Variants in CRPPA observed in about 807,000 individuals in gnomAD.
CRPPA encodes the protein D-ribitol-5-phosphate cytidylyltransferase.
A neutral mutation model predicts 52.0 loss-of-function variants in CRPPA; 43 were observed. The ratio of observed to expected loss-of-function variants is 0.83; its 90% CI spans 0.65 to 1.07. The LOEUF (loss-of-function observed/expected upper bound fraction) is 1.07. CRPPA is among the 50% of genes least tolerant of loss of function. CRPPA has a pLI of 0.00. For missense variants in CRPPA, 629 were observed against 551.7 expected, an observed-to-expected ratio of 1.14 and a Z score of -1.40; for synonymous variants, 250 against 203.5, an observed-to-expected ratio of 1.23 and a Z score of -1.94.
chr7:16,258,834 C>T (rs1783716682), intron 7 of CRPPA, 86 bp downstream of exon 7: 9 of 757,846 alleles, frequency 1.2e-5, no homozygotes, highest in Non-Finnish European at 1.9e-5. Flanking sequence ...ATCATAATAT[C>T]ATATATAAAT....
intron 9 of CRPPA, chr7:16,209,271 G>GTC (rs1782057468): frequency 7.3e-6 from 1 of 137,736 alleles, no homozygotes; most frequent in African/African-American, 3.0e-5. Flanking sequence ...GGTTCTAAGT[G>GTC]TCTTTTTTTT....
chr7:16,119,387 A>AT lies in CRPPA; in HGVS notation c.1252-27589dup, dbSNP rs1479364581. ...TTAAATCTAAAAATCTGAAAAAAAA[A>AT]TTAAAAAAAATGCAAAACACCAAAA... On this transcript the variant is annotated intron_variant, in intron 9 of 9. Transcript: ENST00000407010. Among the ~76,000 whole-genome samples the AT allele has an allele frequency of 7.4e-5, 11 of 149,310 alleles. No individual in the cohort carries two copies. In the East Asian group the frequency reaches 1.2e-3, roughly 16 times the overall value.
At chr7:16,400,430 G>C (rs1276877034) in intron 2 of CRPPA, among the ~76,000 whole-genome samples, 20 of 152,160 alleles carry the variant, frequency 1.3e-4, no homozygotes, top group Admixed American at 1.3e-3. Flanking sequence ...ACTGACATAT[G>C]ATCGACTTGT....
Position 16,258,441 on chromosome 7 carries a change from G to C in CRPPA, c.1068C>G (p.Ser356Arg). 6.2e-7 allele frequency: 1 copy of C among 1,607,172 alleles called. No individual in the cohort carries two copies. The highest frequency in any genetic ancestry group is 8.5e-7 in the Non-Finnish European group (1 of 1,176,534). ...TGCAAAGACTACTCTCTTCAAGCATGCTCAGTAACTTCTGGGTTTCTTGAA... is the reference window on the plus strand; with the variant it reads ...TGCAAAGACTACTCTCTTCAAGCATCCTCAGTAACTTCTGGGTTTCTTGAA... ...SDFQETQKLL[S>R]MLEESSLCIL... Residue 356 changes from serine to arginine, a missense_variant, in exon 8 of 10, where the codon AGC (serine) becomes AGG (arginine). Physicochemically the swap from Ser to Arg is moderately radical, Grantham distance 110. Transcript: ENST00000407010.
chr7:16,149,788 C>A (rs1783040169), intron 9 of CRPPA, among the ~76,000 whole-genome samples: 1 of 152,090 alleles, frequency 6.6e-6, no homozygotes, highest in South Asian at 2.1e-4. Flanking sequence ...GAGTTTGCGA[C>A]CAGCCTGGGC....
At chr7:16,330,609 C>A (rs537758058) in intron 3 of CRPPA, among the ~76,000 whole-genome samples, 3 of 152,124 alleles carry the variant, frequency 2.0e-5, no homozygotes, top group South Asian at 4.1e-4. Context: ...TTAAAAACTC[C>A]GGGAAAACCC....
intron 9 of CRPPA, among the ~76,000 whole-genome samples, chr7:16,139,851 T>C (rs941067282): frequency 6.6e-6 from 1 of 152,190 alleles, no homozygotes; most frequent in African/African-American, 2.4e-5. Flanking sequence ...ATTTTTGGTA[T>C]TTAAAGATTA....
chr7:16,209,937 C>T (rs1456999525), intron 9 of CRPPA, among the ~76,000 whole-genome samples: 1 of 152,306 alleles, frequency 6.6e-6, no homozygotes, highest in East Asian at 1.9e-4. Flanking sequence ...ATTACATCCA[C>T]ATTTTTTTCA....
Position 16,406,218 on chromosome 7 carries a change from C to A in CRPPA, c.377G>T (p.Arg126Leu). 6.2e-7 allele frequency: 1 copy of A among 1,613,942 alleles called. No homozygotes were observed. Among genetic ancestry groups the A allele is most frequent in the Non-Finnish European group, 8.5e-7 (1 of 1,179,880 alleles). Residue 126 changes from arginine to leucine, a missense_variant, in exon 2 of 10, where the codon CGC becomes CTC. Coordinates refer to ENST00000407010, the MANE Select transcript of CRPPA (RefSeq NM_001101426.4). The stretch of plus-strand genomic sequence containing the variant: ...TAGTCCATTGAAAATTGACCTGTGG[C>A]GGGTCACTCCAGCTTCGACCAGTGA... ...RISLVEAGVTRHRSIFNGLKA... is the reference protein window; with the variant it reads ...RISLVEAGVTLHRSIFNGLKA...
intron 9 of CRPPA, among the ~76,000 whole-genome samples, chr7:16,126,982 G>C (rs1245399864): frequency 1.3e-5 from 2 of 152,144 alleles, no homozygotes; most frequent in African/African-American, 4.8e-5. Flanking sequence ...TGAAAATAAT[G>C]TGAACAGTGA....
intron 6 of CRPPA, among the ~76,000 whole-genome samples, chr7:16,264,204 TA>T (rs1008256844): frequency 1.3e-5 from 2 of 151,304 alleles, no homozygotes; most frequent in African/African-American, 2.4e-5. Context: ...TGTTTATATA[TA>T]AAAAAAAGTC....
intron 1 of CRPPA, among the ~76,000 whole-genome samples, chr7:16,408,806 G>C (rs1788014983): frequency 6.6e-6 from 1 of 152,184 alleles, no homozygotes. Flanking sequence ...TCCTTATAAA[G>C]GAAAGGAGGT....
At chr7:16,201,458 G>A (rs773880339) in intron 9 of CRPPA, among the ~76,000 whole-genome samples, 10 of 152,108 alleles carry the variant, frequency 6.6e-5, no homozygotes, top group Non-Finnish European at 1.3e-4. Flanking sequence ...TAAACGAAAT[G>A]GCACACATTC....
chr7:16,286,036 A>ATATAT (rs1784424706), intron 5 of CRPPA, among the ~76,000 whole-genome samples: 4 of 18,808 alleles, frequency 2.1e-4, no homozygotes, highest in South Asian at 7.4e-4. Flanking sequence ...AAAAAAAAAA[A>ATATAT]AAATATAAAT....
chr7:16,375,974 C>G (rs1786869401), intron 3 of CRPPA, 118 bp downstream of exon 3: 3 of 965,472 alleles, frequency 3.1e-6, no homozygotes. Flanking sequence ...TGTAATAAGT[C>G]TTAGCCTTGA....
At chr7:16,339,706 A>C (rs1020472894) in intron 3 of CRPPA, among the ~76,000 whole-genome samples, 57 of 152,358 alleles carry the variant, frequency 3.7e-4, no homozygotes, top group African/African-American at 1.3e-3. Context: ...GAAATAAGAT[A>C]AGAAAAAGAA....
At chr7:16,124,087 C>T (rs1432278283) in intron 9 of CRPPA, among the ~76,000 whole-genome samples, 1 of 147,970 alleles carries the variant, frequency 6.8e-6, no homozygotes, top group Non-Finnish European at 1.5e-5. Flanking sequence ...ATTGCTGGAT[C>T]ATATAGGCTC....
In CRPPA at chr7:16,381,885, C is replaced by G. The variant is rs139268746; in HGVS notation, c.535-5644G>C. On this transcript the variant is annotated intron_variant, in intron 2 of 9. Transcript: ENST00000407010. Reference sequence around the variant, plus strand: ...CCTTTTATTTTGAGCCTATGTGTGTCTCTGCACATGAGATGGGTTTCCTGA... The same window carrying G: ...CCTTTTATTTTGAGCCTATGTGTGTGTCTGCACATGAGATGGGTTTCCTGA... 6.9e-3 allele frequency among the ~76,000 whole-genome samples: 1,046 copies of G among 152,150 alleles called. 12 individuals carry two copies. Among genetic ancestry groups the G allele is most frequent in the African/African-American group, 0.024 (1,012 of 41,454 alleles).
At chr7:16,220,768 C>A (rs937642978) in intron 8 of CRPPA, among the ~76,000 whole-genome samples, 2 of 151,684 alleles carry the variant, frequency 1.3e-5, no homozygotes, top group African/African-American at 4.8e-5. Flanking sequence ...AGGACAACTA[C>A]AAACCACTGC....
Sources: gnomAD v4.1 joint callset for allele counts (sites outside exome capture counted in the v4.1 genomes callset) on GRCh38, gnomAD v4.1.1 for gene constraint, MANE v1.5 for transcripts, NCBI Gene and HGNC (gene_info 2026-07-23, HGNC 2026-07-21) for gene names.